SH3KBP1: variants seen among roughly 807,000 people sequenced by gnomAD.
SH3KBP1 encodes the protein SH3 domain containing kinase binding protein 1, also known as SH3 domain-containing kinase-binding protein 1.
Under a neutral mutation model 50.1 loss-of-function variants are expected in SH3KBP1, and 8 were observed. That is an observed-to-expected ratio of 0.16 (90% CI 0.09 to 0.29). The LOEUF (loss-of-function observed/expected upper bound fraction) is 0.29, where lower values mean the gene tolerates loss of function less well. Among genes scored for constraint, SH3KBP1 ranks in the 10% least tolerant of loss-of-function variants. The probability of loss-of-function intolerance (pLI) is 1.00; values close to 1 mark genes in which losing one functional copy is unlikely to be tolerated. For synonymous variants in SH3KBP1, 227 were observed against 218.6 expected (o/e 1.04, Z -0.34); for missense variants, 377 against 535.2 (o/e 0.70, Z 2.92).
chrX:19,727,349 C>G (rs776181712), intron 3 of SH3KBP1, among the ~76,000 whole-genome samples: 1 of 112,207 alleles, frequency 8.9e-6, no homozygotes, highest in South Asian at 3.7e-4. Context: ...TGCAAACCAC[C>G]ATCCTACTTT....
At chrX:19,765,550 T>A (rs1243196482) in intron 2 of SH3KBP1, among the ~76,000 whole-genome samples, 1 of 112,053 alleles carries the variant, frequency 8.9e-6, no homozygotes, top group Non-Finnish European at 1.9e-5. Flanking sequence ...AAAAAAAATT[T>A]TTTTTAATTG....
intron 1 of SH3KBP1, among the ~76,000 whole-genome samples, chrX:19,860,300 AAAAG>A (rs1339743788): frequency 3.7e-5 from 4 of 108,990 alleles, no homozygotes; most frequent in Admixed American, 9.9e-5. Context: ...AAAAAAAAAA[AAAAG>A]AAGTACTGAT....
intron 1 of SH3KBP1, among the ~76,000 whole-genome samples, chrX:19,887,033 C>G (rs750309993): frequency 1.5e-4 from 17 of 111,890 alleles, no homozygotes; most frequent in Non-Finnish European, 2.6e-4. Flanking sequence ...AACCACACCC[C>G]CTGCATCCCT....
At chrX:19,833,749 T>C (rs1177672308) in intron 2 of SH3KBP1, among the ~76,000 whole-genome samples, 1 of 111,665 alleles carries the variant, frequency 9.0e-6, no homozygotes, top group Non-Finnish European at 1.9e-5. Flanking sequence ...TTTCCCACAG[T>C]CCCCTTCTGT....
intron 3 of SH3KBP1, among the ~76,000 whole-genome samples, chrX:19,738,694 C>CAAAAA (rs1193680181): frequency 9.2e-4 from 34 of 37,122 alleles, no homozygotes; most frequent in East Asian, 3.3e-3. Context: ...GTCAGCAATG[C>CAAAAA]AAAAAAAAAA....
chrX:19,691,381 T>TTATA lies in SH3KBP1; in HGVS notation c.520+4227_520+4230dup, dbSNP rs10694812. ...CTATATATATATATATCTTTTGAGA[T>TTATA]TATATATATATATATATATTTTCAG... is the stretch of plus-strand genomic sequence containing the variant. On this transcript the variant is annotated intron_variant, in intron 5 of 17. Transcript: ENST00000397821. Among the ~76,000 whole-genome samples the TTATA allele has an allele frequency of 2.7e-3, 258 of 95,311 alleles. 1 individual carries two copies. Among genetic ancestry groups the TTATA allele is most frequent in the African/African-American group, 8.5e-3 (220 of 25,891 alleles). 82.8% of individuals were successfully genotyped at this position (95,311 alleles called of 115,157 possible). A position where few individuals can be genotyped will look rare whatever the true frequency, so the allele number is the denominator to read the frequency against.
intron 7 of SH3KBP1, among the ~76,000 whole-genome samples, chrX:19,644,411 A>G (rs1400345709): frequency 2.7e-5 from 3 of 112,402 alleles, no homozygotes; most frequent in Non-Finnish European, 5.6e-5. Flanking sequence ...TAGATACCCC[A>G]TTCTCCATGA....
intron 6 of SH3KBP1, among the ~76,000 whole-genome samples, chrX:19,649,966 C>T (rs190271051): frequency 8.9e-6 from 1 of 112,231 alleles, no homozygotes; most frequent in African/African-American, 3.2e-5. Context: ...TTCCAATTCA[C>T]ATGCAAACTC....
chrX:19,653,032 G>A (rs763315368), intron 6 of SH3KBP1, among the ~76,000 whole-genome samples: 1 of 111,547 alleles, frequency 9.0e-6, no homozygotes, highest in Admixed American at 9.5e-5. Context: ...TCTGATTCAG[G>A]CTGGAGTGCA....
At chrX:19,796,942 G>A (rs936030503) in intron 2 of SH3KBP1, among the ~76,000 whole-genome samples, 20 of 112,206 alleles carry the variant, frequency 1.8e-4, no homozygotes, top group African/African-American at 5.8e-4. Context: ...CTATCAGCTT[G>A]CAGTCACAAA....
chrX:19,860,199 T>C (rs1603283826), intron 1 of SH3KBP1, among the ~76,000 whole-genome samples: 1 of 101,800 alleles, frequency 9.8e-6, no homozygotes. Context: ...AGCCCAGGAG[T>C]TCAAGACTGT....
chrX:19,632,292 A>G (rs990883378), intron 7 of SH3KBP1, among the ~76,000 whole-genome samples: 2 of 112,120 alleles, frequency 1.8e-5, no homozygotes, highest in African/African-American at 6.5e-5. Flanking sequence ...CTTCAGGTGC[A>G]TGCATAAACA....
In SH3KBP1 at chrX:19,608,695, G is replaced by T. The variant is rs1385703210; in HGVS notation, c.898-650C>A. ...AAAGTATTTCATTAACTGCAAATAT[G>T]GCTTAGAAAATATCACATGCACAAA... On this transcript the variant is annotated intron_variant, in intron 8 of 17. Coordinates refer to ENST00000397821, the MANE Select transcript of SH3KBP1 (RefSeq NM_031892.3). Among the ~76,000 whole-genome samples the T allele has an allele frequency of 3.6e-5, 4 of 112,144 alleles. No individual in the cohort carries two copies. In the East Asian group the frequency reaches 1.1e-3, roughly 31 times the overall value.
At chrX:19,606,629 C>T (rs1404446858) in intron 9 of SH3KBP1, among the ~76,000 whole-genome samples, 6 of 111,999 alleles carry the variant, frequency 5.4e-5, no homozygotes, top group African/African-American at 6.5e-5. Flanking sequence ...GTTGTCATCA[C>T]TTAGATACCT....
chrX:19,743,880 T>A (rs1200069487), intron 3 of SH3KBP1, among the ~76,000 whole-genome samples: 3 of 112,520 alleles, frequency 2.7e-5, no homozygotes, highest in African/African-American at 9.7e-5. Flanking sequence ...AATGATAAGG[T>A]CCATATACAG....
intron 15 of SH3KBP1, 98 bp from the exon 16 acceptor site, chrX:19,542,291 G>A (rs969688867): frequency 2.0e-5 from 17 of 842,129 alleles, no homozygotes; most frequent in South Asian, 1.5e-4. Context: ...CACTGTCCCC[G>A]CCTCTCTCCA....
At chrX:19,829,277 G>T (rs1467014172) in intron 2 of SH3KBP1, among the ~76,000 whole-genome samples, 1 of 111,945 alleles carries the variant, frequency 8.9e-6, no homozygotes, top group Non-Finnish European at 1.9e-5. Context: ...ACATTTTGTT[G>T]TGCACCAGTC....
chrX:19,569,905 C>T (rs2065955615), intron 12 of SH3KBP1, among the ~76,000 whole-genome samples: 1 of 111,650 alleles, frequency 9.0e-6, no homozygotes, highest in South Asian at 3.8e-4. Context: ...CTCTTTGCAC[C>T]CTTTTGGGGG....
At chrX:19,884,291 T>G (rs1428657010) in intron 1 of SH3KBP1, among the ~76,000 whole-genome samples, 2 of 112,975 alleles carry the variant, frequency 1.8e-5, no homozygotes, top group Admixed American at 1.9e-4. Flanking sequence ...GCACCTGTTC[T>G]TAGCACAGTG....
Sources: gnomAD v4.1 joint callset for allele counts (sites outside exome capture counted in the v4.1 genomes callset) on GRCh38, gnomAD v4.1.1 for gene constraint, MANE v1.5 for transcripts, NCBI Gene and HGNC (gene_info 2026-07-23, HGNC 2026-07-21) for gene names.